The following VEPH1 variants were observed in gnomAD, a reference collection of about 807,000 sequenced individuals.
VEPH1 encodes the protein ventricular zone-expressed PH domain-containing protein homolog 1.
Under a neutral mutation model 85.2 loss-of-function variants are expected in VEPH1, and 80 were observed. That is an observed-to-expected ratio of 0.94 (90% confidence interval 0.78 to 1.13). The LOEUF is 1.13. Ranked by LOEUF, VEPH1 falls within the 50% of genes most tolerant of loss-of-function variation. VEPH1 has a pLI of 0.00. For synonymous variants in VEPH1, 297 were observed against 348.0 expected, an observed-to-expected ratio of 0.85 and a Z score of 1.63; for missense variants, 955 against 980.5, an observed-to-expected ratio of 0.97 and a Z score of 0.35.
intron 11 of VEPH1, among the ~76,000 whole-genome samples, chr3:157,309,624 A>G (rs1267675439): frequency 6.6e-6 from 1 of 152,026 alleles, no homozygotes; most frequent in Non-Finnish European, 1.5e-5. Flanking sequence ...GAATTCATGC[A>G]TTTTACTAAG....
At chr3:157,340,605 A>G (rs1577380264) in intron 9 of VEPH1, among the ~76,000 whole-genome samples, 1 of 152,300 alleles carries the variant, frequency 6.6e-6, no homozygotes, top group South Asian at 2.1e-4. Flanking sequence ...GAGGCAGGGC[A>G]TAGCTGAACA....
chr3:157,465,698 T>A (rs1488864437), intron 3 of VEPH1, among the ~76,000 whole-genome samples: 3 of 152,194 alleles, frequency 2.0e-5, no homozygotes, highest in Admixed American at 6.5e-5. Context: ...ACCTTCATAT[T>A]ACATTGACTG....
intron 13 of VEPH1, among the ~76,000 whole-genome samples, chr3:157,261,882 G>T (rs73016226): frequency 0.025 from 3,865 of 152,214 alleles, 154 homozygotes; most frequent in African/African-American, 0.089. Flanking sequence ...AGTAAGAGAA[G>T]AAATATTTAA....
At chr3:157,439,590 G>C (rs192586658) in intron 4 of VEPH1, among the ~76,000 whole-genome samples, 2 of 152,124 alleles carry the variant, frequency 1.3e-5, no homozygotes, top group African/African-American at 4.8e-5. Context: ...GCCAACATGC[G>C]GTTCCAGTCC....
chr3:157,293,557 A>G (rs1237607880), intron 11 of VEPH1, among the ~76,000 whole-genome samples: 1 of 152,192 alleles, frequency 6.6e-6, no homozygotes, highest in Non-Finnish European at 1.5e-5. Context: ...TCTGAAGAAT[A>G]CTTTAATTTA....
chr3:157,393,178 G>A (rs1466056387), intron 6 of VEPH1, among the ~76,000 whole-genome samples: 1 of 152,216 alleles, frequency 6.6e-6, no homozygotes, highest in Non-Finnish European at 1.5e-5. Flanking sequence ...ATATAATGAT[G>A]ATGGTAGAGA....
At chr3:157,438,081 C>T (rs1339385557) in intron 4 of VEPH1, among the ~76,000 whole-genome samples, 1 of 150,354 alleles carries the variant, frequency 6.7e-6, no homozygotes, top group Non-Finnish European at 1.5e-5. Context: ...ACCCCTATTT[C>T]TGCATGCGCG....
intron 6 of VEPH1, among the ~76,000 whole-genome samples, chr3:157,384,818 G>A (rs370680132): frequency 6.6e-6 from 1 of 152,278 alleles, no homozygotes. Flanking sequence ...AGGGGGTTAG[G>A]AGATTCTGAT....
chr3:157,268,773 G>A (rs1285120832), intron 12 of VEPH1, among the ~76,000 whole-genome samples: 1 of 151,944 alleles, frequency 6.6e-6, no homozygotes, highest in Non-Finnish European at 1.5e-5. Context: ...CCTAAGACAG[G>A]GTGTCACTCT....
rs578221987 is a variant in VEPH1, at chr3:157,359,086, A to G, written c.1735+4278T>C. ...TTACCAGCTTAAAAATTAGCTTTCTATAAGTCAGCCTTGCTGATACACTCT... is the reference window on the plus strand; with the variant it reads ...TTACCAGCTTAAAAATTAGCTTTCTGTAAGTCAGCCTTGCTGATACACTCT... On this transcript the variant is annotated intron_variant, in intron 9 of 13. Coordinates refer to ENST00000362010, the MANE Select transcript of VEPH1 (RefSeq NM_001167912.2). Among the ~76,000 whole-genome samples, 7 of 152,382 alleles carry G rather than the reference A, an allele frequency of 4.6e-5. No individual in the cohort carries two copies. In the East Asian group the frequency reaches 1.3e-3, roughly 29 times the overall value.
At chr3:157,394,450 C>G (rs1262120799) in intron 6 of VEPH1, among the ~76,000 whole-genome samples, 2 of 152,292 alleles carry the variant, frequency 1.3e-5, no homozygotes. Context: ...GGGTTAATCA[C>G]AGTATCTGTC....
chr3:157,337,804 A>C (rs1040294321), intron 9 of VEPH1, among the ~76,000 whole-genome samples: 1 of 152,210 alleles, frequency 6.6e-6, no homozygotes, highest in South Asian at 2.1e-4. Context: ...ATGATCAACT[A>C]AGTTTATTTT....
chr3:157,382,125 T>C (rs1391623958), intron 6 of VEPH1, among the ~76,000 whole-genome samples: 1 of 152,188 alleles, frequency 6.6e-6, no homozygotes, highest in African/African-American at 2.4e-5. Context: ...TAGGTTGATT[T>C]CCTTGCTGCA....
At chr3:157,447,908 T>G (rs1030776573) in intron 4 of VEPH1, among the ~76,000 whole-genome samples, 2 of 152,068 alleles carry the variant, frequency 1.3e-5, no homozygotes, top group Non-Finnish European at 2.9e-5. Flanking sequence ...CTCCAGTCTT[T>G]TAATATGGAC....
intron 4 of VEPH1, among the ~76,000 whole-genome samples, chr3:157,453,603 A>C (rs567542642): frequency 1.1e-3 from 163 of 152,310 alleles, no homozygotes; most frequent in Non-Finnish European, 4.1e-4. Context: ...AATAAGGATT[A>C]GTGTACTGCA....
Position 157,364,318 on chromosome 3 carries a change from T to C in VEPH1, c.1322A>G (p.Asn441Ser), listed in dbSNP as rs374503606. The C allele has an allele frequency of 3.4e-5, 55 of 1,611,764 alleles. No individual in the cohort carries two copies. The African/African-American group carries it at 6.7e-4, about 20-fold the overall frequency. Residue 441 changes from asparagine (N) to serine (S), a missense_variant, in exon 8 of 14, where the codon AAC becomes AGC. By Grantham distance (46) the Asn-to-Ser change is conservative. Transcript: ENST00000362010. Reference protein sequence around the residue: ...LGQVSKEERKNIRFNRSKSLA... With the variant: ...LGQVSKEERKSIRFNRSKSLA... ...CGAGTTATACCTGTTAAATCTAATG[T>C]TTTTTCTTTCTTCTTTAGAAACTTG...
At chr3:157,261,654 C>T (rs958576676) in intron 13 of VEPH1, among the ~76,000 whole-genome samples, 41 of 152,124 alleles carry the variant, frequency 2.7e-4, no homozygotes, top group Admixed American at 5.2e-4. Context: ...TTTCTATTAA[C>T]GTTATATTAA....
At chr3:157,292,809 TAAAA>T (rs11332321) in intron 11 of VEPH1, among the ~76,000 whole-genome samples, 19 of 98,594 alleles carry the variant, frequency 1.9e-4, no homozygotes, top group African/African-American at 6.3e-4. Flanking sequence ...CCCTCTCTAC[TAAAA>T]AAAAAAAAAA....
At chr3:157,371,647 T>C (rs926887413) in intron 7 of VEPH1, among the ~76,000 whole-genome samples, 4 of 152,148 alleles carry the variant, frequency 2.6e-5, no homozygotes, top group African/African-American at 9.7e-5. Flanking sequence ...GCCCAGACAA[T>C]GAAATAAGAG....
Sources: gnomAD v4.1 joint callset for allele counts (sites outside exome capture counted in the v4.1 genomes callset) on GRCh38, gnomAD v4.1.1 for gene constraint, MANE v1.5 for transcripts, NCBI Gene and HGNC (gene_info 2026-07-23, HGNC 2026-07-21) for gene names.